The following SPAST variants were observed in gnomAD, a reference collection of about 807,000 sequenced individuals.
SPAST encodes the protein spastic paraplegia 4 (autosomal dominant; spastin).
SPAST carries 30 observed loss-of-function variants against 76.6 expected under a neutral mutation model. The observed-to-expected ratio is 0.39, with a 90% confidence interval of 0.29 to 0.53. The LOEUF is 0.53. Ranked by LOEUF, SPAST falls within the 20% of genes least tolerant of loss-of-function variation. The pLI is 0.68. For missense variants in SPAST, 717 were observed against 770.5 expected, an observed-to-expected ratio of 0.93 and a Z score of 0.82; for synonymous variants, 305 against 281.0, an observed-to-expected ratio of 1.09 and a Z score of -0.86.
intron 13 of SPAST, among the ~76,000 whole-genome samples, chr2:32,142,702 C>A (rs560630925): frequency 1.8e-4 from 28 of 152,074 alleles, no homozygotes; most frequent in Admixed American, 1.8e-3. Context: ...GGCCAGAAAT[C>A]GAAAATTTCT....
At chr2:32,090,785 GTTC>G (rs1196523126) in intron 3 of SPAST, among the ~76,000 whole-genome samples, 1 of 152,050 alleles carries the variant, frequency 6.6e-6, no homozygotes, top group Non-Finnish European at 1.5e-5. Flanking sequence ...GTTTTAACAT[GTTC>G]TTCTTTCCTC....
intron 4 of SPAST, among the ~76,000 whole-genome samples, chr2:32,110,104 G>GTTTTTT (rs200943358): frequency 1.5e-5 from 2 of 135,492 alleles, no homozygotes; most frequent in African/African-American, 2.7e-5. Context: ...AGTTTTTTTT[G>GTTTTTT]TTTTTTTTTT....
chr2:32,102,170 C>A (rs1033965980), intron 4 of SPAST, among the ~76,000 whole-genome samples: 4 of 152,128 alleles, frequency 2.6e-5, no homozygotes, highest in East Asian at 3.8e-4. Context: ...GTTTGTAGTT[C>A]TCCTTGAAGA....
Position 32,063,582 on chromosome 2 carries a change from G to A in SPAST, c.-250G>A, listed in dbSNP as rs1404194768. The A allele has an allele frequency of 7.8e-6, 4 of 513,164 alleles. No individual in the cohort carries two copies. The African/African-American group carries it at 8.2e-5, about 11-fold the overall frequency. 31.8% of individuals were successfully genotyped at this position (513,164 alleles called of 1,614,324 possible). Reference sequence around the variant, plus strand: ...CGGCCGCCGCTGGGAGCCACCAGGCGGCGGAGAGGACAGCGACAGGAAGGG... The same window carrying A: ...CGGCCGCCGCTGGGAGCCACCAGGCAGCGGAGAGGACAGCGACAGGAAGGG... On this transcript the variant is annotated 5_prime_UTR_variant, in exon 1 of 17. Coordinates refer to ENST00000315285, the MANE Select transcript of SPAST (RefSeq NM_014946.4).
rs528407628 is a variant in SPAST, at chr2:32,156,575, A to G, written c.*2079A>G. ...ATACTGATAACGAAAGGTAGTAATG[A>G]AATATATATGATGAAAAGAATTGAG... is the stretch of plus-strand genomic sequence containing the variant. On this transcript the variant is annotated 3_prime_UTR_variant, in exon 17 of 17. Transcript: ENST00000315285. 36 of 152,326 alleles carry G rather than the reference A, an allele frequency of 2.4e-4. No individual in the cohort carries two copies. The highest frequency in any genetic ancestry group is 6.5e-4 in the African/African-American group (27 of 41,572). 9.4% of individuals were successfully genotyped at this position (152,326 alleles called of 1,614,324 possible).
rs565146331 is a variant in SPAST, at chr2:32,087,768, T to A, written c.502+190T>A. On this transcript the variant is annotated intron_variant, in intron 2 of 16. Coordinates refer to ENST00000315285, the MANE Select transcript of SPAST (RefSeq NM_014946.4). The stretch of plus-strand genomic sequence containing the variant: ...TGGAGTGCAGTGATGTGATCATAGC[T>A]CACTGCAACCTCAAACTTCTGGGCT... 4.1e-5 allele frequency among the ~76,000 whole-genome samples: 6 copies of A among 146,196 alleles called. No homozygotes were observed. In the East Asian group the frequency reaches 1.2e-3, roughly 30 times the overall value.
At chr2:32,127,193 C>G (rs770185728) in intron 8 of SPAST, 171 bp downstream of exon 8, 9 of 613,556 alleles carry the variant, frequency 1.5e-5, no homozygotes, top group Non-Finnish European at 2.3e-5. Flanking sequence ...TCTGGGCTCA[C>G]CGCAACCTCC....
intron 4 of SPAST, among the ~76,000 whole-genome samples, chr2:32,110,946 C>A (rs371513377): frequency 3.7e-3 from 55 of 14,812 alleles, no homozygotes; most frequent in African/African-American, 6.5e-3. Flanking sequence ...TATACTATAT[C>A]GTGTGTATAG....
chr2:32,100,636 T>G (rs868443890), intron 4 of SPAST, among the ~76,000 whole-genome samples: 3 of 151,794 alleles, frequency 2.0e-5, no homozygotes, highest in African/African-American at 7.3e-5. Context: ...ACAGGCCCCA[T>G]TGTGTGATGT....
At chr2:32,100,817 T>C (rs992554139) in intron 4 of SPAST, among the ~76,000 whole-genome samples, 4 of 152,200 alleles carry the variant, frequency 2.6e-5, no homozygotes, top group African/African-American at 9.7e-5. Flanking sequence ...TGCTTAGTAT[T>C]CCATGGTGTA....
chr2:32,066,837 A>C (rs1676531403), intron 1 of SPAST, among the ~76,000 whole-genome samples: 1 of 151,238 alleles, frequency 6.6e-6, no homozygotes, highest in South Asian at 2.1e-4. Flanking sequence ...AGCTAGGCGC[A>C]GTGGCAAATG....
At chr2:32,136,849 T>TAA in intron 10 of SPAST, 28 bp from the exon 11 acceptor site, 3 of 1,566,844 alleles carry the variant, frequency 1.9e-6, no homozygotes, top group Non-Finnish European at 1.8e-6. Flanking sequence ...GGTCTTTAAT[T>TAA]AAAGTCTTAT....
intron 3 of SPAST, among the ~76,000 whole-genome samples, chr2:32,092,686 T>C (rs751317482): frequency 2.6e-4 from 39 of 152,162 alleles, no homozygotes; most frequent in Non-Finnish European, 4.7e-4. Context: ...TTATGAAATA[T>C]CTTTAAAAGT....
intron 9 of SPAST, among the ~76,000 whole-genome samples, chr2:32,134,303 C>T (rs1200350909): frequency 2.0e-5 from 3 of 152,034 alleles, no homozygotes; most frequent in African/African-American, 7.2e-5. Flanking sequence ...GAGTTCGAGA[C>T]CAGCCTGGCT....
At chr2:32,123,853 A>G (rs1679102943) in intron 7 of SPAST, among the ~76,000 whole-genome samples, 1 of 152,212 alleles carries the variant, frequency 6.6e-6, no homozygotes, top group Non-Finnish European at 1.5e-5. Context: ...AGACCTGACA[A>G]CTTTCACAAA....
At position 32,142,604 on chromosome 2, in the gene SPAST, C is replaced by T. The variant is rs183830897; in HGVS notation, c.1536+658C>T. ...TAATTTTTTGTGTTTTTAGTAGAGA[C>T]GGGTTTCACTGTGTTAGCCAGGATG... On this transcript the variant is annotated intron_variant, in intron 13 of 16. Coordinates refer to ENST00000315285, the MANE Select transcript of SPAST (RefSeq NM_014946.4). Among the ~76,000 whole-genome samples, 571 of 151,954 alleles carry T rather than the reference C, an allele frequency of 3.8e-3. 2 individuals carry two copies. Among genetic ancestry groups the T allele is most frequent in the African/African-American group, 0.013 (546 of 41,422 alleles).
At chr2:32,076,296 C>G (rs887580846) in intron 1 of SPAST, among the ~76,000 whole-genome samples, 1 of 152,164 alleles carries the variant, frequency 6.6e-6, no homozygotes, top group African/African-American at 2.4e-5. Flanking sequence ...GGGTTTAAAA[C>G]TTTCCAAATT....
intron 16 of SPAST, among the ~76,000 whole-genome samples, chr2:32,148,013 G>C (rs1475176875): frequency 2.0e-5 from 3 of 146,570 alleles, no homozygotes; most frequent in Admixed American, 1.4e-4. Flanking sequence ...GCTGACTGTA[G>C]CCTTGACCTC....
chr2:32,094,955 C>T (rs1031571389), intron 3 of SPAST, among the ~76,000 whole-genome samples: 5 of 152,142 alleles, frequency 3.3e-5, no homozygotes, highest in Admixed American at 2.6e-4. Flanking sequence ...GGCAACAAAG[C>T]GAGACTCCGT....
Sources: gnomAD v4.1 joint callset for allele counts (sites outside exome capture counted in the v4.1 genomes callset) on GRCh38, gnomAD v4.1.1 for gene constraint, MANE v1.5 for transcripts, NCBI Gene and HGNC (gene_info 2026-07-23, HGNC 2026-07-21) for gene names.